The following FAM110B variants were observed in gnomAD, a reference collection of about 807,000 sequenced individuals.
The protein encoded by FAM110B is family with sequence similarity 110 member B, also known as protein FAM110B.
In FAM110B, 6 loss-of-function variants were observed where a neutral mutation model predicts 20.4. The ratio of observed to expected loss-of-function variants is 0.29; its 90% confidence interval spans 0.16 to 0.58. The LOEUF is 0.58. Among genes scored for constraint, FAM110B ranks in the 20% least tolerant of loss-of-function variants. The pLI, the probability that FAM110B is intolerant of heterozygous loss-of-function variation, is 0.90. For synonymous variants in FAM110B, 226 were observed against 214.1 expected, an observed-to-expected ratio of 1.06 and a Z score of -0.49; for missense variants, 434 against 498.2, an observed-to-expected ratio of 0.87 and a Z score of 1.23.
chr8:58,130,875 C>G (rs1036985246), intron 3 of FAM110B, among the ~76,000 whole-genome samples: 2 of 152,208 alleles, frequency 1.3e-5, no homozygotes, highest in Admixed American at 1.3e-4. Context: ...TTGCAGCAAC[C>G]TGTCCCTATT....
At chr8:57,999,112 A>G (rs1804243364) in intron 1 of FAM110B, among the ~76,000 whole-genome samples, 1 of 152,226 alleles carries the variant, frequency 6.6e-6, no homozygotes, top group Admixed American at 6.5e-5. Flanking sequence ...TTTGCTCAGT[A>G]TGTTTGGTGA....
At chr8:58,144,108 A>G (rs1330437679) in intron 3 of FAM110B, among the ~76,000 whole-genome samples, 1 of 152,192 alleles carries the variant, frequency 6.6e-6, no homozygotes, top group East Asian at 1.9e-4. Flanking sequence ...ACTAGGTGGT[A>G]TTCCCACTCT....
At chr8:58,047,736 G>A (rs1463289268) in intron 2 of FAM110B, among the ~76,000 whole-genome samples, 3 of 151,342 alleles carry the variant, frequency 2.0e-5, no homozygotes, top group Admixed American at 2.0e-4. Context: ...GTTTATACTT[G>A]TTTTGGTAAA....
chr8:58,122,396 C>A (rs1321848945), intron 3 of FAM110B, among the ~76,000 whole-genome samples: 1 of 151,990 alleles, frequency 6.6e-6, no homozygotes, highest in African/African-American at 2.4e-5. Context: ...TAAACAATTT[C>A]TCCCCTTCAA....
intron 2 of FAM110B, chr8:58,043,320 C>A (rs1408419532): frequency 1.3e-5 from 2 of 152,248 alleles, no homozygotes; most frequent in Non-Finnish European, 2.9e-5. Flanking sequence ...GTTTGCTTTT[C>A]AGACCTAATG....
Position 58,146,200 on chromosome 8 carries a change from C to G in FAM110B, c.-31C>G. ...TTGCGGAGGCGCCCAGAAGAGCATC[C>G]AACACGGCTGCCGGGGAAAGACCGC... On this transcript the variant is annotated 5_prime_UTR_variant, in exon 4 of 4. Transcript: ENST00000519262. The G allele has an allele frequency of 6.4e-7, 1 of 1,565,316 alleles. No homozygotes were observed. The highest frequency in any genetic ancestry group is 8.7e-7 in the Non-Finnish European group (1 of 1,153,724).
intron 3 of FAM110B, chr8:58,077,171 G>C (rs1276307614): frequency 2.6e-5 from 4 of 152,246 alleles, no homozygotes; most frequent in African/African-American, 9.6e-5. Flanking sequence ...CTGTTGGCTG[G>C]AAGGAGGTTT....
intron 2 of FAM110B, among the ~76,000 whole-genome samples, chr8:58,071,169 A>T (rs1168900504): frequency 3.3e-5 from 5 of 152,244 alleles, no homozygotes; most frequent in Non-Finnish European, 7.3e-5. Context: ...GGATTAAAAA[A>T]AATGGTACAT....
rs770472744 is a variant in FAM110B, at chr8:58,146,956, C to A, written c.726C>A (p.Asp242Glu). Reference sequence around the variant, plus strand: ...CCTCCATGAAGTCCCCCGAGGCCGACCCTGTGGAACCAGCTTGTGGAGTCA... The same window carrying A: ...CCTCCATGAAGTCCCCCGAGGCCGAACCTGTGGAACCAGCTTGTGGAGTCA... ...AIASMKSPEA[D>E]PVEPACGVSR... is the part of the protein sequence containing the mutation. Residue 242 changes from aspartate to glutamate, a missense_variant, in exon 4 of 4, where the codon GAC becomes GAA. Coordinates refer to ENST00000519262, the MANE Select transcript of FAM110B (RefSeq NM_001377989.1). 6.2e-7 allele frequency: 1 copy of A among 1,614,226 alleles called. No individual in the cohort carries two copies. Among genetic ancestry groups the A allele is most frequent in the South Asian group, 1.1e-5 (1 of 91,086 alleles).
chr8:58,121,292 T>C (rs927553885), intron 3 of FAM110B, among the ~76,000 whole-genome samples: 4 of 152,164 alleles, frequency 2.6e-5, no homozygotes, highest in African/African-American at 9.7e-5. Context: ...ATAATAATGC[T>C]TTTGATGTAT....
chr8:58,035,165 T>G (rs1805050941), intron 2 of FAM110B, among the ~76,000 whole-genome samples: 1 of 152,210 alleles, frequency 6.6e-6, no homozygotes, highest in South Asian at 2.1e-4. Context: ...AACTTAAGAA[T>G]AAAGATAGTA....
At chr8:58,046,031 C>T (rs554359950) in intron 2 of FAM110B, among the ~76,000 whole-genome samples, 22 of 152,276 alleles carry the variant, frequency 1.4e-4, no homozygotes, top group Non-Finnish European at 2.5e-4. Context: ...TGATCCCATT[C>T]ATGAGGTTGC....
chr8:58,049,920 T>C (rs943289508), intron 2 of FAM110B, among the ~76,000 whole-genome samples: 1 of 152,220 alleles, frequency 6.6e-6, no homozygotes, highest in African/African-American at 2.4e-5. Flanking sequence ...CAAAGGATCC[T>C]GTATACAGTA....
In FAM110B at chr8:58,146,111, G is replaced by T; in HGVS notation, c.-120G>T. The T allele has an allele frequency of 8.3e-7, 1 of 1,203,458 alleles. No homozygotes were observed. 74.5% of individuals were successfully genotyped at this position (1,203,458 alleles called of 1,614,324 possible). On this transcript the variant is annotated 5_prime_UTR_variant, in exon 4 of 4. The change abolishes the stop of an existing upstream ORF in the 5' untranslated region. Coordinates refer to ENST00000519262, the MANE Select transcript of FAM110B (RefSeq NM_001377989.1). ...AGGCGCTGCTGCGGCCGCTGCTGCT[G>T]ACACTCGCTCCCAGGCTGCACCCGC... is the stretch of plus-strand genomic sequence containing the variant.
intron 3 of FAM110B, among the ~76,000 whole-genome samples, chr8:58,109,076 C>T (rs868445935): frequency 1.3e-5 from 2 of 152,218 alleles, no homozygotes; most frequent in Non-Finnish European, 2.9e-5. Flanking sequence ...TCTTTTACCT[C>T]TTACAGCACG....
At chr8:58,012,164 T>C (rs1264702631) in intron 1 of FAM110B, among the ~76,000 whole-genome samples, 2 of 152,240 alleles carry the variant, frequency 1.3e-5, no homozygotes, top group Admixed American at 1.3e-4. Flanking sequence ...AGCAGGTTGG[T>C]AGGAAATTCT....
chr8:58,092,817 G>T (rs1218117595), intron 3 of FAM110B, among the ~76,000 whole-genome samples: 1 of 152,116 alleles, frequency 6.6e-6, no homozygotes. Flanking sequence ...TTAAGGAATC[G>T]CCACACTGTC....
intron 3 of FAM110B, among the ~76,000 whole-genome samples, 185 bp from the exon 4 acceptor site, chr8:58,145,722 G>T (rs1163067932): frequency 1.3e-5 from 2 of 152,226 alleles, no homozygotes; most frequent in African/African-American, 4.8e-5. Context: ...GCCGCGCGTC[G>T]GCGCAGGCGG....
intron 2 of FAM110B, among the ~76,000 whole-genome samples, chr8:58,067,303 G>C (rs1017090430): frequency 1.3e-5 from 2 of 152,182 alleles, no homozygotes; most frequent in African/African-American, 4.8e-5. Flanking sequence ...AAAAGTACAC[G>C]TCTGCATTCT....
Sources: allele counts gnomAD v4.1 joint callset (sites outside exome capture counted in the v4.1 genomes callset), GRCh38; gene constraint gnomAD v4.1.1; transcripts MANE v1.5; gene names NCBI Gene and HGNC (gene_info 2026-07-23, HGNC 2026-07-21).